Variants in SENP7 observed in about 807,000 individuals in gnomAD.
SENP7 encodes SUMO specific peptidase 7, also known as sentrin-specific protease 7.
In SENP7, 64 loss-of-function variants were observed where a neutral mutation model predicts 141.2. That is an observed-to-expected ratio of 0.45 (90% CI 0.37 to 0.56). The LOEUF is 0.56. Among genes scored for constraint, SENP7 ranks in the 20% least tolerant of loss-of-function variants. The pLI, the probability that SENP7 is intolerant of heterozygous loss-of-function variation, is 0.00. For synonymous variants in SENP7, 382 were observed against 426.4 expected, an observed-to-expected ratio of 0.90 and a Z score of 1.28; for missense variants, 1,025 against 1,212.2, an observed-to-expected ratio of 0.85 and a Z score of 2.29.
intron 4 of SENP7, among the ~76,000 whole-genome samples, chr3:101,428,818 G>A (rs553979024): frequency 1.3e-5 from 2 of 152,250 alleles, no homozygotes; most frequent in Admixed American, 6.5e-5. Context: ...GGGTTTTTAT[G>A]GTTTTAGGTC....
At chr3:101,483,639 C>T (rs565576130) in intron 3 of SENP7, among the ~76,000 whole-genome samples, 12 of 152,244 alleles carry the variant, frequency 7.9e-5, no homozygotes, top group South Asian at 2.1e-4. Context: ...AAAAAGAAAA[C>T]GGTATTTTCA....
chr3:101,434,299 T>C (rs1178939741), intron 4 of SENP7, among the ~76,000 whole-genome samples: 1 of 151,806 alleles, frequency 6.6e-6, no homozygotes, highest in East Asian at 1.9e-4. Context: ...CAGAGGAAAG[T>C]TTATAGTTTT....
chr3:101,401,722 T>C (rs1274292618), intron 5 of SENP7, among the ~76,000 whole-genome samples: 1 of 152,098 alleles, frequency 6.6e-6, no homozygotes, highest in East Asian at 1.9e-4. Context: ...CTATGAAGAC[T>C]GAGAGAGGTT....
At chr3:101,463,122 T>G (rs961021818) in intron 3 of SENP7, among the ~76,000 whole-genome samples, 1 of 151,482 alleles carries the variant, frequency 6.6e-6, no homozygotes, top group East Asian at 1.9e-4. Flanking sequence ...TCCCAACACT[T>G]TGGGAGGCTG....
chr3:101,503,388 A>G (rs2108174026), intron 1 of SENP7, among the ~76,000 whole-genome samples: 1 of 152,390 alleles, frequency 6.6e-6, no homozygotes, highest in South Asian at 2.1e-4. Flanking sequence ...TTTTAGATAA[A>G]TAACCAACAG....
chr3:101,453,368 A>G (rs1397563089), intron 4 of SENP7, among the ~76,000 whole-genome samples: 2 of 152,238 alleles, frequency 1.3e-5, no homozygotes, highest in African/African-American at 2.4e-5. Context: ...ACTACTGGGT[A>G]TATACCCAAA....
intron 3 of SENP7, among the ~76,000 whole-genome samples, chr3:101,462,184 G>A (rs6441608): frequency 0.68 from 103,589 of 152,040 alleles, 35,793 homozygotes; most frequent in African/African-American, 0.78. Flanking sequence ...ATTTTGTGTT[G>A]TATGTATTTT....
intron 3 of SENP7, among the ~76,000 whole-genome samples, chr3:101,463,396 TAC>T (rs1553744609): frequency 0.025 from 2,092 of 82,576 alleles, 27 homozygotes; most frequent in African/African-American, 0.066. Flanking sequence ...TATATATATA[TAC>T]ATATATATAT....
At chr3:101,422,461 C>T (rs1213248265) in intron 4 of SENP7, among the ~76,000 whole-genome samples, 2 of 152,030 alleles carry the variant, frequency 1.3e-5, no homozygotes, top group African/African-American at 2.4e-5. Context: ...AACTGTTTAC[C>T]TTTTAGTCAT....
chr3:101,421,002 T>A (rs1226137790), intron 4 of SENP7, among the ~76,000 whole-genome samples: 1 of 152,112 alleles, frequency 6.6e-6, no homozygotes, highest in Non-Finnish European at 1.5e-5. Flanking sequence ...GATTTAAAAA[T>A]AAATAAATAA....
chr3:101,473,715 G>C (rs545424739), intron 3 of SENP7, among the ~76,000 whole-genome samples: 109 of 152,068 alleles, frequency 7.2e-4, no homozygotes, highest in African/African-American at 2.3e-3. Context: ...GTTTCTTTTG[G>C]TGTGCAGAAG....
Position 101,512,409 on chromosome 3 carries a change from T to C in SENP7, c.40+682A>G, listed in dbSNP as rs565211173. Among the ~76,000 whole-genome samples, 6 of 152,306 alleles carry C rather than the reference T, an allele frequency of 3.9e-5. No individual in the cohort carries two copies. In the South Asian group the frequency reaches 6.2e-4, roughly 16 times the overall value. Reference sequence around the variant, plus strand: ...ACGTTGTACACAAAACTGAAGATAGTCATTTAAAACAAAGTAACGTCCAAA... The same window carrying C: ...ACGTTGTACACAAAACTGAAGATAGCCATTTAAAACAAAGTAACGTCCAAA... On this transcript the variant is annotated intron_variant, in intron 1 of 23. Transcript: ENST00000394095.
rs150600899 is a variant in SENP7 at position 101,420,364 on chromosome 3, T to G, written c.285-2574A>C. 5.5e-4 allele frequency among the ~76,000 whole-genome samples: 69 copies of G among 124,856 alleles called. 1 individual carries two copies. The highest frequency in any genetic ancestry group is 3.6e-3 in the East Asian group (14 of 3,892). 81.9% of individuals were successfully genotyped at this position (124,856 alleles called of 152,430 possible). On this transcript the variant is annotated intron_variant, in intron 4 of 23. Coordinates refer to ENST00000394095, the MANE Select transcript of SENP7 (RefSeq NM_020654.5). ...GCCTGGGCGACAGAGCGAGACTCCG[T>G]CTCAAAAAAAAAAAGTGATAGGAAA...
At chr3:101,367,429 T>A (rs2060065381) in intron 8 of SENP7, among the ~76,000 whole-genome samples, 1 of 151,918 alleles carries the variant, frequency 6.6e-6, no homozygotes, top group Admixed American at 6.6e-5. Flanking sequence ...TTAAAGAATT[T>A]GATAAGTAAA....
chr3:101,374,410 TATA>T (rs1215950216), intron 6 of SENP7, among the ~76,000 whole-genome samples: 2 of 152,110 alleles, frequency 1.3e-5, no homozygotes, highest in Non-Finnish European at 2.9e-5. Context: ...ATTTCTTTGA[TATA>T]ACAACAAAAA....
rs2060044628 is a variant in SENP7, at chr3:101,366,632, G to A, written c.1116C>T (p.Asn372=). ...CATTACTCAAAGTCAACTCCTGACT[G>A]TTAAGTGAGGATAGTTTAGTAAAAT... ...KSDFTKLSSL[N]SQELTLSNAT... The change falls in exon 9 of 24, where the codon AAC becomes AAT. Residue 372 remains asparagine, a synonymous_variant. Coordinates refer to ENST00000394095, the MANE Select transcript of SENP7 (RefSeq NM_020654.5). 4 of 1,613,430 alleles carry A rather than the reference G, an allele frequency of 2.5e-6. No individual in the cohort carries two copies. The African/African-American group carries it at 4.0e-5, about 16-fold the overall frequency.
intron 17 of SENP7, 123 bp downstream of exon 17, chr3:101,337,386 A>G: frequency 3.4e-6 from 2 of 594,358 alleles, no homozygotes; most frequent in Non-Finnish European, 5.4e-6. Context: ...AAACAGACCC[A>G]GGACCTGAAC....
rs2059781172 is a variant in SENP7 at position 101,357,670 on chromosome 3, G to C, written c.1623+4045C>G. On this transcript the variant is annotated intron_variant, in intron 11 of 23. Coordinates refer to ENST00000394095, the MANE Select transcript of SENP7 (RefSeq NM_020654.5). Reference sequence around the variant, plus strand: ...TTAACCAATGTTTGACAACTACCCAGAGAAAAATATTTCAATGTGATAAAT... The same window carrying C: ...TTAACCAATGTTTGACAACTACCCACAGAAAAATATTTCAATGTGATAAAT... 1.2e-5 allele frequency: 9 copies of C among 749,622 alleles called. No individual in the cohort carries two copies. In the South Asian group the frequency reaches 1.3e-4, roughly 11 times the overall value. The allele number at this position is 749,622 out of a possible 1,614,324, so 46.4% of individuals were successfully genotyped here. A position where few individuals can be genotyped will look rare whatever the true frequency, so the allele number is the denominator to read the frequency against.
intron 11 of SENP7, chr3:101,357,594 G>C: frequency 8.8e-7 from 1 of 1,139,438 alleles, no homozygotes; most frequent in South Asian, 1.4e-5. Context: ...TTTAAAAAAA[G>C]CTGTAAAAGT....
Sources: allele counts gnomAD v4.1 joint callset (sites outside exome capture counted in the v4.1 genomes callset), GRCh38; gene constraint gnomAD v4.1.1; transcripts MANE v1.5; gene names NCBI Gene and HGNC (gene_info 2026-07-23, HGNC 2026-07-21).